LRP1B: variants seen among roughly 807,000 people sequenced by gnomAD.
LRP1B encodes low-density lipoprotein receptor-related protein 1B.
Under a neutral mutation model 556.6 loss-of-function variants are expected in LRP1B, and 217 were observed. That is an observed-to-expected ratio of 0.39 (90% CI 0.35 to 0.44). LRP1B has a LOEUF of 0.44. Ranked by LOEUF, LRP1B falls within the 20% of genes least tolerant of loss-of-function variation. LRP1B has a pLI of 1.00. For missense variants in LRP1B, 5,053 were observed against 5,620.8 expected, an observed-to-expected ratio of 0.90 and a Z score of 3.23; for synonymous variants, 2,047 against 1,865.8, an observed-to-expected ratio of 1.10 and a Z score of -2.50.
chr2:140,692,290 T>C (rs1478376279), intron 41 of LRP1B, among the ~76,000 whole-genome samples: 1 of 152,160 alleles, frequency 6.6e-6, no homozygotes, highest in African/African-American at 2.4e-5. Context: ...TTTGTTTTAA[T>C]CAAATTGTGT....
At position 142,092,894 on chromosome 2, in the gene LRP1B, G is replaced by A. The variant is rs143361743; in HGVS notation, c.82+37754C>T. Among the ~76,000 whole-genome samples the A allele has an allele frequency of 6.9e-3, 1,045 of 151,880 alleles. 7 individuals carry two copies. Among genetic ancestry groups the A allele is most frequent in the African/African-American group, 0.022 (907 of 41,430 alleles). On this transcript the variant is annotated intron_variant, in intron 1 of 90. Coordinates refer to ENST00000389484, the MANE Select transcript of LRP1B (RefSeq NM_018557.3). ...AAAATCACCATCATAAGTTTTCCAC[G>A]TTTTTCTTCAAAATATGTGTAACAA...
chr2:141,556,137 T>A (rs957813191), intron 2 of LRP1B, among the ~76,000 whole-genome samples: 1 of 151,864 alleles, frequency 6.6e-6, no homozygotes, highest in Non-Finnish European at 1.5e-5. Context: ...TAATATTAAA[T>A]CTTGTGGTTC....
At chr2:141,212,663 G>A (rs1682617821) in intron 6 of LRP1B, among the ~76,000 whole-genome samples, 1 of 151,994 alleles carries the variant, frequency 6.6e-6, no homozygotes, top group Non-Finnish European at 1.5e-5. Flanking sequence ...TGTAGGTGAT[G>A]TAGATCAAAA....
At chr2:141,134,476 G>C (rs933303492) in intron 7 of LRP1B, among the ~76,000 whole-genome samples, 1 of 151,526 alleles carries the variant, frequency 6.6e-6, no homozygotes, top group Non-Finnish European at 1.5e-5. Flanking sequence ...ATCCCCTATG[G>C]GTACACTCCT....
At chr2:141,339,147 C>T (rs1687954810) in intron 3 of LRP1B, among the ~76,000 whole-genome samples, 1 of 151,952 alleles carries the variant, frequency 6.6e-6, no homozygotes, top group Admixed American at 6.6e-5. Flanking sequence ...CATGCTTCCT[C>T]TGGTGTTTTT....
chr2:141,936,046 CA>C, intron 1 of LRP1B, among the ~76,000 whole-genome samples: 1 of 151,774 alleles, frequency 6.6e-6, no homozygotes, highest in South Asian at 2.1e-4. Context: ...AACACTGTAG[CA>C]AAAAAAGGAG....
intron 60 of LRP1B, among the ~76,000 whole-genome samples, chr2:140,472,813 G>A (rs1271174019): frequency 1.3e-5 from 2 of 152,058 alleles, no homozygotes; most frequent in Non-Finnish European, 1.5e-5. Context: ...TGGCTTATGA[G>A]AAAGGGCTGT....
intron 1 of LRP1B, among the ~76,000 whole-genome samples, chr2:141,931,145 A>G (rs1364383367): frequency 6.6e-6 from 1 of 152,028 alleles, no homozygotes; most frequent in East Asian, 1.9e-4. Context: ...AACTCTGGTA[A>G]TTGCTATGAC....
intron 41 of LRP1B, among the ~76,000 whole-genome samples, chr2:140,642,797 T>G (rs1256497505): frequency 6.6e-6 from 1 of 152,098 alleles, no homozygotes; most frequent in Non-Finnish European, 1.5e-5. Context: ...TGAGCCGAGA[T>G]CGCGCCACTG....
chr2:140,837,264 C>T (rs1691938320), intron 31 of LRP1B, among the ~76,000 whole-genome samples: 1 of 152,120 alleles, frequency 6.6e-6, no homozygotes, highest in South Asian at 2.1e-4. Context: ...CAGTAACTTG[C>T]TCAAGGGCAC....
chr2:140,765,941 C>A (rs112012795), intron 35 of LRP1B, among the ~76,000 whole-genome samples: 3 of 151,784 alleles, frequency 2.0e-5, no homozygotes, highest in East Asian at 1.9e-4. Context: ...TGCAGCACAC[C>A]AACATGGCAC....
chr2:140,702,635 A>G (rs1559065128), intron 37 of LRP1B, 82 bp from the exon 38 acceptor site: 1 of 1,251,790 alleles, frequency 8.0e-7, no homozygotes, highest in African/African-American at 1.5e-5. Flanking sequence ...ATTACTAATA[A>G]CAGCAGTAGC....
intron 84 of LRP1B, among the ~76,000 whole-genome samples, chr2:140,278,339 T>C (rs1022152096): frequency 6.6e-6 from 1 of 152,044 alleles, no homozygotes; most frequent in African/African-American, 2.4e-5. Flanking sequence ...TTGTGATTTT[T>C]AAACTTTTCT....
At chr2:141,839,306 A>G (rs1429717405) in intron 1 of LRP1B, among the ~76,000 whole-genome samples, 1 of 152,194 alleles carries the variant, frequency 6.6e-6, no homozygotes, top group Non-Finnish European at 1.5e-5. Context: ...ACAATAAACT[A>G]ATGCTTTTAT....
intron 14 of LRP1B, among the ~76,000 whole-genome samples, chr2:141,006,967 T>C (rs1216542690): frequency 2.0e-5 from 3 of 151,914 alleles, no homozygotes; most frequent in African/African-American, 7.2e-5. Flanking sequence ...GTGTCAAACT[T>C]TAAAAAGAAC....
chr2:140,704,348 G>A (rs1686751053), intron 37 of LRP1B, among the ~76,000 whole-genome samples: 1 of 151,948 alleles, frequency 6.6e-6, no homozygotes, highest in Admixed American at 6.6e-5. Flanking sequence ...TCTTGAAAAT[G>A]CTGTGTAAAA....
chr2:141,047,014 G>A (rs907116337), intron 11 of LRP1B, among the ~76,000 whole-genome samples: 3 of 36,328 alleles, frequency 8.3e-5, no homozygotes, highest in South Asian at 9.2e-4. Flanking sequence ...CTTCGGAGGC[G>A]GAGGTTGCAG....
chr2:141,485,159 A>G (rs371597893), intron 2 of LRP1B, among the ~76,000 whole-genome samples: 1 of 152,136 alleles, frequency 6.6e-6, no homozygotes, highest in Admixed American at 6.6e-5. Flanking sequence ...GGAGAACTAA[A>G]GAGTTAGTTG....
chr2:141,185,687 C>CAAA lies in LRP1B; in HGVS notation c.1013+2731_1013+2733dup, dbSNP rs111914547. Reference sequence around the variant, plus strand: ...CATGGAGAACTGAAAAACAAACAAACAAAAAAAAACAAAAAAAAAAACAAG... The same window carrying CAAA: ...CATGGAGAACTGAAAAACAAACAAACAAAAAAAAAAAACAAAAAAAAAAACAAG... On this transcript the variant is annotated intron_variant, in intron 7 of 90. Coordinates refer to ENST00000389484, the MANE Select transcript of LRP1B (RefSeq NM_018557.3). 7.5e-3 allele frequency among the ~76,000 whole-genome samples: 995 copies of CAAA among 132,158 alleles called. 31 individuals carry two copies. Among genetic ancestry groups the CAAA allele is most frequent in the African/African-American group, 0.022 (752 of 33,810 alleles). 86.7% of individuals were successfully genotyped at this position (132,158 alleles called of 152,430 possible).
Sources: gnomAD v4.1 joint callset for allele counts (sites outside exome capture counted in the v4.1 genomes callset) on GRCh38, gnomAD v4.1.1 for gene constraint, MANE v1.5 for transcripts, NCBI Gene and HGNC (gene_info 2026-07-23, HGNC 2026-07-21) for gene names.